SLC16A2: variants seen among roughly 807,000 people sequenced by gnomAD.
SLC16A2 encodes the protein monocarboxylate transporter 8.
A neutral mutation model predicts 27.2 loss-of-function variants in SLC16A2; 3 were observed. The ratio of observed to expected loss-of-function variants is 0.11; its 90% CI spans 0.05 to 0.28. The LOEUF (loss-of-function observed/expected upper bound fraction) is 0.28. Ranked by LOEUF, SLC16A2 falls within the 10% of genes least tolerant of loss-of-function variation. The probability of loss-of-function intolerance (pLI) is 1.00; values close to 1 mark genes in which losing one functional copy is unlikely to be tolerated. For missense variants in SLC16A2, 295 were observed against 458.5 expected, an observed-to-expected ratio of 0.64 and a Z score of 3.26; for synonymous variants, 202 against 187.8, an observed-to-expected ratio of 1.08 and a Z score of -0.62.
intron 1 of SLC16A2, among the ~76,000 whole-genome samples, chrX:74,482,086 A>G (rs958540913): frequency 1.8e-5 from 2 of 110,699 alleles, no homozygotes; most frequent in African/African-American, 6.6e-5. Flanking sequence ...TTTGGTTGAC[A>G]GTTTTTTCCT....
chrX:74,510,685 G>A (rs1204003629), intron 1 of SLC16A2, among the ~76,000 whole-genome samples: 2 of 111,663 alleles, frequency 1.8e-5, no homozygotes, highest in African/African-American at 3.3e-5. Flanking sequence ...GCTGCAGAGG[G>A]AAGCAGGCCA....
chrX:74,486,810 C>G (rs755582793), intron 1 of SLC16A2, among the ~76,000 whole-genome samples: 1 of 111,854 alleles, frequency 8.9e-6, no homozygotes, highest in South Asian at 3.8e-4. Flanking sequence ...GCACTATTCA[C>G]AATAGCAAAG....
intron 1 of SLC16A2, among the ~76,000 whole-genome samples, chrX:74,451,241 G>A (rs756395567): frequency 8.9e-6 from 1 of 112,143 alleles, no homozygotes; most frequent in African/African-American, 3.2e-5. Flanking sequence ...GACTATGTGA[G>A]TATGTGGTGA....
chrX:74,500,604 G>A (rs1030067765), intron 1 of SLC16A2, among the ~76,000 whole-genome samples: 41 of 111,149 alleles, frequency 3.7e-4, no homozygotes, highest in African/African-American at 1.3e-3. Flanking sequence ...TCATGCCTTT[G>A]TATCCTTATC....
intron 1 of SLC16A2, among the ~76,000 whole-genome samples, chrX:74,491,173 G>A (rs1389419722): frequency 1.8e-5 from 2 of 112,180 alleles, no homozygotes; most frequent in Non-Finnish European, 3.8e-5. Flanking sequence ...ACCAGGGCCC[G>A]TGACACAGCC....
chrX:74,478,098 C>G (rs1274700087), intron 1 of SLC16A2, among the ~76,000 whole-genome samples: 1 of 111,600 alleles, frequency 9.0e-6, no homozygotes, highest in Non-Finnish European at 1.9e-5. Context: ...GTTAAAGTCT[C>G]CCCTTGTTAT....
chrX:74,501,323 C>G (rs902234011), intron 1 of SLC16A2, among the ~76,000 whole-genome samples: 2 of 111,145 alleles, frequency 1.8e-5, no homozygotes, highest in South Asian at 7.7e-4. Flanking sequence ...TGTAGTATGC[C>G]CAGAACAGTT....
At chrX:74,480,284 T>G (rs756016151) in intron 1 of SLC16A2, among the ~76,000 whole-genome samples, 1 of 112,688 alleles carries the variant, frequency 8.9e-6, no homozygotes, top group Non-Finnish European at 1.9e-5. Context: ...CTCCCAGCCA[T>G]GCACGGGATA....
intron 1 of SLC16A2, among the ~76,000 whole-genome samples, chrX:74,445,144 A>G (rs1464196556): frequency 8.9e-6 from 1 of 112,140 alleles, no homozygotes; most frequent in Non-Finnish European, 1.9e-5. Flanking sequence ...TAAAGGGCAC[A>G]TAAATAATAA....
chrX:74,498,871 G>A (rs913882219), intron 1 of SLC16A2, among the ~76,000 whole-genome samples: 1 of 111,399 alleles, frequency 9.0e-6, no homozygotes, highest in African/African-American at 3.3e-5. Context: ...CTCCTCCACT[G>A]ACTCTTCATC....
chrX:74,434,426 G>A (rs1273194957), intron 1 of SLC16A2, among the ~76,000 whole-genome samples: 1 of 111,694 alleles, frequency 9.0e-6, no homozygotes, highest in African/African-American at 3.3e-5. Flanking sequence ...CTGGGTCTTT[G>A]CCCTCTGGCA....
intron 1 of SLC16A2, among the ~76,000 whole-genome samples, chrX:74,483,711 C>G (rs1303748812): frequency 9.0e-6 from 1 of 111,538 alleles, no homozygotes; most frequent in Admixed American, 9.5e-5. Context: ...CACCCCTGCT[C>G]TATGAGCAGG....
At chrX:74,450,567 T>G (rs1302709174) in intron 1 of SLC16A2, among the ~76,000 whole-genome samples, 1 of 111,484 alleles carries the variant, frequency 9.0e-6, no homozygotes, top group Non-Finnish European at 1.9e-5. Context: ...GAAACTTCCA[T>G]CTAGTCATCA....
chrX:74,496,497 A>C (rs1475738636), intron 1 of SLC16A2, among the ~76,000 whole-genome samples: 1 of 112,066 alleles, frequency 8.9e-6, no homozygotes, highest in Non-Finnish European at 1.9e-5. Context: ...AGCCTAGCTC[A>C]GCAGGGGCAG....
chrX:74,427,798 C>T (rs767599575), intron 1 of SLC16A2, among the ~76,000 whole-genome samples: 8 of 81,918 alleles, frequency 9.8e-5, no homozygotes, highest in South Asian at 1.6e-3. Context: ...CATGCGCACG[C>T]GTGCACGCGC....
At chrX:74,455,647 G>A (rs945426997) in intron 1 of SLC16A2, among the ~76,000 whole-genome samples, 5 of 110,491 alleles carry the variant, frequency 4.5e-5, no homozygotes, top group East Asian at 5.7e-4. Context: ...TTTTGCTTCC[G>A]GTATAGAGGG....
chrX:74,435,537 G>GCA lies in SLC16A2; in HGVS notation c.430+13470_430+13471insCA, dbSNP rs1233605536. On this transcript the variant is annotated intron_variant, in intron 1 of 5. Coordinates refer to ENST00000587091, the MANE Select transcript of SLC16A2 (RefSeq NM_006517.5). ...CATATATATATATGCATATATATAT[G>GCA]TATATATATATATATATTTTTTTTT... Among the ~76,000 whole-genome samples, 3,677 of 81,393 alleles carry GCA rather than the reference G, an allele frequency of 0.045. 704 individuals carry two copies. In the East Asian group the frequency reaches 0.78, roughly 17 times the overall value. 70.7% of individuals were successfully genotyped at this position (81,393 alleles called of 115,157 possible). A position where few individuals can be genotyped will look rare whatever the true frequency, so the allele number is the denominator to read the frequency against.
Position 74,473,688 on chromosome X carries a change from T to C in SLC16A2, c.431-47302T>C. The C allele has an allele frequency of 3.8e-6, 4 of 1,065,793 alleles. No individual in the cohort carries two copies. In the South Asian group the frequency reaches 5.6e-5, roughly 15 times the overall value. 87.8% of individuals were successfully genotyped at this position (1,065,793 alleles called of 1,213,427 possible). On this transcript the variant is annotated intron_variant, in intron 1 of 5. Coordinates refer to ENST00000587091, the MANE Select transcript of SLC16A2 (RefSeq NM_006517.5). ...GAATCTTCTCTTGAGACAGCTCTCT[T>C]TGGTTCCACAACTCTTCCATCCACC...
chrX:74,517,908 G>A (rs909964336), intron 1 of SLC16A2, among the ~76,000 whole-genome samples: 4 of 111,975 alleles, frequency 3.6e-5, no homozygotes, highest in Non-Finnish European at 7.5e-5. Flanking sequence ...GTCTGGCTTC[G>A]TTTACTTAGC....
Sources: gnomAD v4.1 joint callset for allele counts (sites outside exome capture counted in the v4.1 genomes callset) on GRCh38, gnomAD v4.1.1 for gene constraint, MANE v1.5 for transcripts, NCBI Gene and HGNC (gene_info 2026-07-23, HGNC 2026-07-21) for gene names.